The following CCSER1 variants were observed in gnomAD, a reference collection of about 807,000 sequenced individuals.
The protein encoded by CCSER1 is serine-rich coiled-coil domain-containing protein 1.
CCSER1 carries 41 observed loss-of-function variants against 82.0 expected under a neutral mutation model. The observed-to-expected ratio is 0.50, with a 90% CI of 0.39 to 0.65. The LOEUF (loss-of-function observed/expected upper bound fraction) is 0.65. CCSER1 is among the 30% of genes least tolerant of loss of function. CCSER1 has a pLI of 0.00. For synonymous variants in CCSER1, 414 were observed against 383.9 expected (o/e 1.08, Z -0.92); for missense variants, 1,119 against 1,064.2 (o/e 1.05, Z -0.72).
chr4:90,367,417 T>C (rs1400409583), intron 3 of CCSER1, among the ~76,000 whole-genome samples: 1 of 151,872 alleles, frequency 6.6e-6, no homozygotes, highest in East Asian at 1.9e-4. Flanking sequence ...AACATTTTCC[T>C]CCAGAATTTG....
intron 1 of CCSER1, among the ~76,000 whole-genome samples, chr4:90,300,527 C>T (rs1293346761): frequency 1.3e-5 from 2 of 151,808 alleles, no homozygotes; most frequent in African/African-American, 4.8e-5. Context: ...TGCATGTGTG[C>T]GTAAAAAGTA....
At chr4:90,769,409 C>T (rs1033197904) in intron 7 of CCSER1, among the ~76,000 whole-genome samples, 3 of 152,140 alleles carry the variant, frequency 2.0e-5, no homozygotes, top group Non-Finnish European at 4.4e-5. Context: ...AGCTGCTCAA[C>T]TGAATGATGA....
intron 7 of CCSER1, chr4:90,727,345 C>T (rs752509608): frequency 2.2e-6 from 1 of 454,008 alleles, no homozygotes; most frequent in South Asian, 1.6e-5. Flanking sequence ...CATAAAAGTT[C>T]AAGATCATTA....
At chr4:91,578,404 A>G (rs1012160925) in intron 10 of CCSER1, among the ~76,000 whole-genome samples, 2 of 151,988 alleles carry the variant, frequency 1.3e-5, no homozygotes, top group Non-Finnish European at 2.9e-5. Context: ...TGTACTTAAT[A>G]AATGTATCAG....
intron 5 of CCSER1, among the ~76,000 whole-genome samples, chr4:90,609,330 C>T (rs181237775): frequency 9.2e-5 from 14 of 152,038 alleles, no homozygotes; most frequent in South Asian, 4.2e-4. Context: ...TGTGAGTTAA[C>T]GCATATAATT....
intron 4 of CCSER1, among the ~76,000 whole-genome samples, chr4:90,455,135 A>C (rs1455515149): frequency 6.6e-6 from 1 of 152,230 alleles, no homozygotes; most frequent in Non-Finnish European, 1.5e-5. Flanking sequence ...ACTTCCCTGC[A>C]AGGCAAAGAA....
chr4:90,764,611 A>T (rs1345357092), intron 7 of CCSER1, among the ~76,000 whole-genome samples: 1 of 152,190 alleles, frequency 6.6e-6, no homozygotes, highest in Non-Finnish European at 1.5e-5. Context: ...CTCTGTAAGA[A>T]CTGAAAAATT....
At chr4:91,417,694 G>T (rs75006461) in intron 10 of CCSER1, among the ~76,000 whole-genome samples, 1 of 151,722 alleles carries the variant, frequency 6.6e-6, no homozygotes, top group Admixed American at 6.6e-5. Flanking sequence ...CCTGTCATTG[G>T]GGGTCAAGGG....
chr4:90,670,010 A>G (rs769459809), intron 6 of CCSER1, among the ~76,000 whole-genome samples: 9 of 152,136 alleles, frequency 5.9e-5, no homozygotes, highest in Non-Finnish European at 1.3e-4. Context: ...GGGCTATGAG[A>G]AAAATCATTC....
At chr4:90,407,290 G>A (rs561118168) in intron 4 of CCSER1, among the ~76,000 whole-genome samples, 4 of 152,166 alleles carry the variant, frequency 2.6e-5, no homozygotes, top group Middle Eastern at 3.4e-3. Flanking sequence ...TATGACCCTC[G>A]TAGATTAAAC....
At chr4:91,157,483 T>G (rs889728551) in intron 10 of CCSER1, among the ~76,000 whole-genome samples, 2 of 152,028 alleles carry the variant, frequency 1.3e-5, no homozygotes, top group Non-Finnish European at 2.9e-5. Flanking sequence ...CTCTTAGGAT[T>G]TAAATGTGTT....
chr4:90,738,861 G>A (rs767159922), intron 7 of CCSER1, among the ~76,000 whole-genome samples: 1 of 152,164 alleles, frequency 6.6e-6, no homozygotes, highest in Non-Finnish European at 1.5e-5. Flanking sequence ...TCTCCTTTCA[G>A]AGAAGTGGGC....
intron 10 of CCSER1, among the ~76,000 whole-genome samples, chr4:91,375,177 G>A (rs185847144): frequency 6.6e-6 from 1 of 152,324 alleles, no homozygotes; most frequent in East Asian, 1.9e-4. Context: ...TTTGGAAGAT[G>A]TTGATTCCAG....
chr4:90,705,288 A>C (rs1739100323), intron 6 of CCSER1, among the ~76,000 whole-genome samples: 1 of 152,160 alleles, frequency 6.6e-6, no homozygotes, highest in African/African-American at 2.4e-5. Context: ...CAGAACAGCA[A>C]ATATTGCTGA....
chr4:90,542,187 G>C (rs561528356), intron 5 of CCSER1, among the ~76,000 whole-genome samples: 7 of 151,946 alleles, frequency 4.6e-5, no homozygotes, highest in Non-Finnish European at 5.9e-5. Context: ...CTTTTGATGG[G>C]GAGTACCAGT....
At chr4:91,297,198 T>C (rs745539878) in intron 10 of CCSER1, among the ~76,000 whole-genome samples, 1 of 152,060 alleles carries the variant, frequency 6.6e-6, no homozygotes, top group Non-Finnish European at 1.5e-5. Flanking sequence ...CATTTTACCT[T>C]TTTCTTCTCC....
intron 10 of CCSER1, among the ~76,000 whole-genome samples, chr4:91,189,421 G>A (rs1159100798): frequency 6.6e-6 from 1 of 152,086 alleles, no homozygotes; most frequent in Non-Finnish European, 1.5e-5. Context: ...TAGTGATAAA[G>A]CTAATAATTC....
At chr4:91,052,205 A>G (rs903397986) in intron 9 of CCSER1, among the ~76,000 whole-genome samples, 1 of 152,096 alleles carries the variant, frequency 6.6e-6, no homozygotes, top group Non-Finnish European at 1.5e-5. Context: ...ATCAGTGTCT[A>G]GAAAGATTAA....
intron 10 of CCSER1, among the ~76,000 whole-genome samples, chr4:91,217,160 C>T (rs1737311245): frequency 6.6e-6 from 1 of 152,136 alleles, no homozygotes; most frequent in South Asian, 2.1e-4. Context: ...CTCTTAAAAG[C>T]AGCGTGGACC....
Sources: allele counts gnomAD v4.1 joint callset (sites outside exome capture counted in the v4.1 genomes callset), GRCh38; gene constraint gnomAD v4.1.1; transcripts MANE v1.5; gene names NCBI Gene and HGNC (gene_info 2026-07-23, HGNC 2026-07-21).